SSUH2: variants seen among roughly 807,000 people sequenced by gnomAD.
SSUH2 encodes ssu-2 homolog.
SSUH2 carries 47 observed loss-of-function variants against 55.3 expected under a neutral mutation model. That is an observed-to-expected ratio of 0.85 (90% CI 0.67 to 1.08). The LOEUF (loss-of-function observed/expected upper bound fraction) is 1.08, where lower values mean the gene tolerates loss of function less well. Ranked by LOEUF, SSUH2 falls within the 50% of genes least tolerant of loss-of-function variation. The pLI is 0.00. For missense variants in SSUH2, 535 were observed against 490.7 expected (o/e 1.09, Z -0.85); for synonymous variants, 212 against 191.5 (o/e 1.11, Z -0.89).
Position 8,625,592 on chromosome 3 carries a change from G to C in SSUH2, c.823C>G (p.Leu275Val), listed in dbSNP as rs1445397985. 1 of 1,613,896 alleles carries C rather than the reference G, an allele frequency of 6.2e-7. No individual in the cohort carries two copies. Among genetic ancestry groups the C allele is most frequent in the African/African-American group, 1.3e-5 (1 of 74,924 alleles). The change falls in exon 10 of 12, where the codon CTC (leucine) becomes GTC (valine). Residue 275 changes from leucine to valine, a missense_variant. Physicochemically the swap from Leu to Val is conservative, Grantham distance 32. Transcript: ENST00000544814. Reference sequence around the variant, plus strand: ...TTTTCTCCTTTGGCTTTAGCAAGGAGCTCCCTGGGGCAGTTGAGCCGGTGC... The same window carrying C: ...TTTTCTCCTTTGGCTTTAGCAAGGACCTCCCTGGGGCAGTTGAGCCGGTGC... ...SEHRLNCPRE[L>V]LAKAKGENLF... is the part of the protein sequence containing the mutation.
chr3:8,626,537 G>GCCCCCCCCCCCCCCC (rs58662232), intron 8 of SSUH2, among the ~76,000 whole-genome samples: 2 of 107,652 alleles, frequency 1.9e-5, no homozygotes, highest in Non-Finnish European at 3.8e-5. Flanking sequence ...TCTAGGGCCT[G>GCCCCCCCCCCCCCCC]CCCCCCCCCC....
At chr3:8,681,898 A>T (rs1327472128) in exon 1 of SSUH2, 1 of 160,138 alleles carries the variant, frequency 6.2e-6, no homozygotes, top group African/African-American at 2.4e-5. Flanking sequence ...CACCTGGAGG[A>T]CTGTGGGTTT....
chr3:8,669,083 T>C (rs1704268689), intron 5 of SSUH2, among the ~76,000 whole-genome samples: 1 of 152,192 alleles, frequency 6.6e-6, no homozygotes, highest in African/African-American at 2.4e-5. Flanking sequence ...TCTCACTTGC[T>C]CCTTGGCTAG....
intron 1 of SSUH2, among the ~76,000 whole-genome samples, chr3:8,636,122 T>C (rs943830562): frequency 6.6e-6 from 1 of 152,106 alleles, no homozygotes. Flanking sequence ...CATTCATGAG[T>C]CTGTAATTCA....
chr3:8,674,651 G>C (rs185140033), intron 3 of SSUH2, among the ~76,000 whole-genome samples: 40 of 152,260 alleles, frequency 2.6e-4, no homozygotes, highest in African/African-American at 8.9e-4. Context: ...ATCAGTTTTG[G>C]TACATGCCTG....
chr3:8,632,906 T>C (rs567950176), intron 4 of SSUH2, among the ~76,000 whole-genome samples: 14 of 152,150 alleles, frequency 9.2e-5, no homozygotes, highest in Non-Finnish European at 5.9e-5. Context: ...AAGTATGAAG[T>C]GAGGACATAG....
intron 9 of SSUH2, 28 bp downstream of exon 9, chr3:8,626,201 G>A: frequency 6.3e-7 from 1 of 1,588,634 alleles, no homozygotes. Flanking sequence ...ACCCCCGCAT[G>A]CCACAGCATT....
upstream of SSUH2, among the ~76,000 whole-genome samples, chr3:8,647,111 G>A (rs1334042962): frequency 1.3e-5 from 2 of 152,226 alleles, no homozygotes; most frequent in Non-Finnish European, 2.9e-5. Flanking sequence ...GGGTAGGGCA[G>A]AGCTTTAGAA....
intron 1 of SSUH2, among the ~76,000 whole-genome samples, chr3:8,643,289 C>A (rs541108445): frequency 3.9e-4 from 59 of 152,192 alleles, no homozygotes; most frequent in African/African-American, 1.2e-3. Context: ...GTGACTTGAG[C>A]AAAGTCACCC....
At chr3:8,663,425 G>C (rs933308577) in intron 6 of SSUH2, among the ~76,000 whole-genome samples, 1 of 152,272 alleles carries the variant, frequency 6.6e-6, no homozygotes, top group Non-Finnish European at 1.5e-5. Flanking sequence ...TCTGGATTCA[G>C]ACCCCTGTCT....
intron 5 of SSUH2, among the ~76,000 whole-genome samples, chr3:8,665,352 C>A (rs1703897753): frequency 6.6e-6 from 1 of 152,138 alleles, no homozygotes; most frequent in South Asian, 2.1e-4. Flanking sequence ...GACCCTCGGT[C>A]ATCTTTTAAT....
chr3:8,679,463 G>A (rs572101888), intron 2 of SSUH2, among the ~76,000 whole-genome samples: 1,600 of 133,888 alleles, frequency 0.012, 23 homozygotes, highest in Non-Finnish European at 0.019. Context: ...GGCACCCCCC[G>A]GGAGGCGGGG....
intron 1 of SSUH2, among the ~76,000 whole-genome samples, chr3:8,638,711 C>T (rs1700337321): frequency 6.6e-6 from 1 of 152,202 alleles, no homozygotes; most frequent in African/African-American, 2.4e-5. Context: ...TAACAAAACC[C>T]AGTCACTGCC....
intron 6 of SSUH2, among the ~76,000 whole-genome samples, chr3:8,663,025 A>G (rs1448531216): frequency 6.6e-6 from 1 of 152,258 alleles, no homozygotes; most frequent in Non-Finnish European, 1.5e-5. Flanking sequence ...CCCGGATCAA[A>G]TCATTGGAAG....
intron 5 of SSUH2, 131 bp downstream of exon 5, chr3:8,631,918 G>A (rs1698865426): frequency 1.4e-6 from 1 of 699,690 alleles, no homozygotes; most frequent in South Asian, 1.7e-5. Flanking sequence ...TTTGCAGGGG[G>A]TAAGGAAGCC....
intron 1 of SSUH2, among the ~76,000 whole-genome samples, chr3:8,636,877 A>T (rs1700012286): frequency 6.6e-6 from 1 of 152,162 alleles, no homozygotes; most frequent in Non-Finnish European, 1.5e-5. Context: ...AGGCTCAGAA[A>T]GGTTGTGACT....
rs1471930711 is a variant in SSUH2 at position 8,635,752 on chromosome 3, A to G, written c.127+7T>C. The G allele has an allele frequency of 2.6e-6, 4 of 1,534,518 alleles. No individual in the cohort carries two copies. The Admixed American group carries it at 7.9e-5, about 30-fold the overall frequency. ...AGCCCAAAGAACCAAGCCCTCTTGG[A>G]ACTTACTGCCCCCTTGAAGAAGCCA... On this transcript the variant is annotated splice_region_variant and intron_variant, in intron 2 of 11. Transcript: ENST00000544814.
At chr3:8,620,236 G>A (rs1696137974) in intron 11 of SSUH2, among the ~76,000 whole-genome samples, 1 of 152,134 alleles carries the variant, frequency 6.6e-6, no homozygotes, top group African/African-American at 2.4e-5. Flanking sequence ...TGAATCGTGG[G>A]GGTGGGTTTT....
chr3:8,671,780 A>G (rs1211045083), intron 4 of SSUH2: 1 of 151,740 alleles, frequency 6.6e-6, no homozygotes, highest in African/African-American at 2.4e-5. Flanking sequence ...GATCCTAGGA[A>G]AAATCCGGGA....
Sources: allele counts gnomAD v4.1 joint callset (sites outside exome capture counted in the v4.1 genomes callset), GRCh38; gene constraint gnomAD v4.1.1; transcripts MANE v1.5; gene names NCBI Gene and HGNC (gene_info 2026-07-23, HGNC 2026-07-21).